Variants in HIVEP2 observed in about 807,000 individuals in gnomAD.
The protein encoded by HIVEP2 is transcription factor HIVEP2.
HIVEP2 carries 14 observed loss-of-function variants against 180.7 expected under a neutral mutation model. That is an observed-to-expected ratio of 0.08 (90% CI 0.05 to 0.12). HIVEP2 has a LOEUF of 0.12. HIVEP2 is among the 10% of genes least tolerant of loss of function. The pLI, the probability that HIVEP2 is intolerant of heterozygous loss-of-function variation, is 1.00. For synonymous variants in HIVEP2, 1,184 were observed against 1,136.4 expected (o/e 1.04, Z -0.84); for missense variants, 2,579 against 3,008.5 (o/e 0.86, Z 3.34).
At chr6:142,854,475 T>C (rs1775767899) in intron 1 of HIVEP2, among the ~76,000 whole-genome samples, 1 of 152,212 alleles carries the variant, frequency 6.6e-6, no homozygotes. Context: ...AGACTAATTG[T>C]ATTACTCAAA....
At chr6:142,942,586 T>C (rs1256726612) in intron 1 of HIVEP2, among the ~76,000 whole-genome samples, 2 of 152,236 alleles carry the variant, frequency 1.3e-5, no homozygotes, top group Admixed American at 1.3e-4. Flanking sequence ...TGTGATAATA[T>C]ACACATAGTA....
chr6:142,797,328 T>G (rs1776302347), intron 2 of HIVEP2, among the ~76,000 whole-genome samples: 1 of 152,186 alleles, frequency 6.6e-6, no homozygotes, highest in Non-Finnish European at 1.5e-5. Flanking sequence ...TATTTAGTTC[T>G]AAATGATTTC....
At chr6:142,881,668 T>C (rs753353768) in intron 1 of HIVEP2, among the ~76,000 whole-genome samples, 5 of 152,182 alleles carry the variant, frequency 3.3e-5, no homozygotes, top group Non-Finnish European at 5.9e-5. Context: ...TCTCCTTCTC[T>C]CTTAGAAAAT....
chr6:142,899,387 C>T (rs1414028593), intron 1 of HIVEP2, among the ~76,000 whole-genome samples: 2 of 152,182 alleles, frequency 1.3e-5, no homozygotes, highest in Admixed American at 6.5e-5. Flanking sequence ...TTTGTGCATC[C>T]TTCTCTTACA....
intron 2 of HIVEP2, among the ~76,000 whole-genome samples, chr6:142,792,256 A>G (rs1409019055): frequency 6.6e-6 from 1 of 152,216 alleles, no homozygotes; most frequent in Non-Finnish European, 1.5e-5. Context: ...GCAAATGTAT[A>G]GCCTGAAAAA....
At chr6:142,927,783 C>A (rs201757544) in intron 1 of HIVEP2, among the ~76,000 whole-genome samples, 1 of 152,146 alleles carries the variant, frequency 6.6e-6, no homozygotes, top group South Asian at 2.1e-4. Flanking sequence ...CATTTAGTTT[C>A]AAGCCATAAA....
chr6:142,815,902 T>C (rs1225391874), intron 2 of HIVEP2, among the ~76,000 whole-genome samples: 2 of 152,236 alleles, frequency 1.3e-5, no homozygotes, highest in African/African-American at 4.8e-5. Context: ...GGGGACATAA[T>C]AGAAACTCAA....
intron 1 of HIVEP2, among the ~76,000 whole-genome samples, chr6:142,931,215 A>C (rs1039873910): frequency 2.6e-5 from 4 of 151,938 alleles, no homozygotes; most frequent in Non-Finnish European, 4.4e-5. Context: ...GAATTTTTTT[A>C]ATTGTTATTA....
chr6:142,923,590 C>T (rs184451886), intron 1 of HIVEP2, among the ~76,000 whole-genome samples: 1 of 152,200 alleles, frequency 6.6e-6, no homozygotes, highest in African/African-American at 2.4e-5. Context: ...CCCAAACACA[C>T]CATCTGTTTT....
At chr6:142,814,471 G>C (rs1450475698) in intron 2 of HIVEP2, among the ~76,000 whole-genome samples, 1 of 152,170 alleles carries the variant, frequency 6.6e-6, no homozygotes, top group East Asian at 1.9e-4. Context: ...AGGGAGATAT[G>C]ATGAAGAACT....
chr6:142,806,730 T>A (rs962338769), intron 2 of HIVEP2, among the ~76,000 whole-genome samples: 1 of 152,200 alleles, frequency 6.6e-6, no homozygotes. Flanking sequence ...ATCTAAGACA[T>A]TAAAATACCA....
At chr6:142,818,369 T>C (rs892758049) in intron 2 of HIVEP2, among the ~76,000 whole-genome samples, 1 of 152,182 alleles carries the variant, frequency 6.6e-6, no homozygotes, top group Non-Finnish European at 1.5e-5. Flanking sequence ...GCTGTAAGTT[T>C]CTATCTGCCC....
chr6:142,808,146 A>C (rs186606425), intron 2 of HIVEP2, among the ~76,000 whole-genome samples: 2 of 152,308 alleles, frequency 1.3e-5, no homozygotes, highest in Non-Finnish European at 2.9e-5. Flanking sequence ...CTCAAGCATA[A>C]GAGGCATCTT....
At chr6:142,841,941 C>T (rs1162360739) in intron 1 of HIVEP2, among the ~76,000 whole-genome samples, 1 of 151,942 alleles carries the variant, frequency 6.6e-6, no homozygotes, top group African/African-American at 2.4e-5. Context: ...CTTTACATGC[C>T]GGAAAATGCT....
At chr6:142,843,900 A>T (rs945098308) in intron 1 of HIVEP2, among the ~76,000 whole-genome samples, 3 of 152,216 alleles carry the variant, frequency 2.0e-5, no homozygotes, top group Admixed American at 2.0e-4. Context: ...GTCTTTAATG[A>T]TTAAGACTTT....
chr6:142,834,441 T>C lies in HIVEP2; in HGVS notation c.-528+2494A>G, dbSNP rs192060121. ...CAATATTTTCAAGTTTATGAGAGTC[T>C]TAATAATTTTCACCTTCTTTTTTTA... On this transcript the variant is annotated intron_variant, in intron 2 of 9. Coordinates refer to ENST00000367603, the MANE Select transcript of HIVEP2 (RefSeq NM_006734.4). Among the ~76,000 whole-genome samples the C allele has an allele frequency of 7.0e-4, 106 of 152,300 alleles. No homozygotes were observed. In the Middle Eastern group the frequency reaches 0.01, roughly 15 times the overall value.
intron 1 of HIVEP2, among the ~76,000 whole-genome samples, chr6:142,942,911 T>C (rs558457068): frequency 6.6e-6 from 1 of 152,280 alleles, no homozygotes; most frequent in African/African-American, 2.4e-5. Context: ...ACGCAAGAAA[T>C]TGTCTCAATG....
chr6:142,780,122 A>T (rs968624236), intron 3 of HIVEP2, among the ~76,000 whole-genome samples: 1 of 152,230 alleles, frequency 6.6e-6, no homozygotes, highest in Non-Finnish European at 1.5e-5. Context: ...AAGATTCAAA[A>T]CATTAACTCA....
rs1262010775 is a variant in HIVEP2, at chr6:142,936,636, T to C, written c.-641+8463A>G. ...ATATGTACATACACACATACACATA[T>C]ATATAAAATAAATGGGGTATTTCAT... On this transcript the variant is annotated intron_variant, in intron 1 of 9. Transcript: ENST00000367603. 2.6e-5 allele frequency among the ~76,000 whole-genome samples: 4 copies of C among 152,298 alleles called. No homozygotes were observed. The East Asian group carries it at 7.7e-4, about 29-fold the overall frequency.
Sources: allele counts gnomAD v4.1 joint callset (sites outside exome capture counted in the v4.1 genomes callset), GRCh38; gene constraint gnomAD v4.1.1; transcripts MANE v1.5; gene names NCBI Gene and HGNC (gene_info 2026-07-23, HGNC 2026-07-21).